UNC13B: variants seen among roughly 807,000 people sequenced by gnomAD.
UNC13B encodes the protein unc-13 homolog B, also known as protein unc-13 homolog B.
UNC13B carries 144 observed loss-of-function variants against 211.0 expected under a neutral mutation model. That is an observed-to-expected ratio of 0.68 (90% CI 0.60 to 0.78). UNC13B has a LOEUF of 0.78. UNC13B is among the 30% of genes least tolerant of loss of function. UNC13B has a pLI of 0.00. For missense variants in UNC13B, 1,777 were observed against 2,002.0 expected (o/e 0.89, Z 2.14); for synonymous variants, 709 against 725.8 (o/e 0.98, Z 0.37).
intron 11 of UNC13B, among the ~76,000 whole-genome samples, chr9:35,321,577 A>G (rs1238962039): frequency 6.6e-6 from 1 of 152,184 alleles, no homozygotes; most frequent in Admixed American, 6.5e-5. Context: ...ATCTGTTTTC[A>G]TTTCTGATTA....
intron 6 of UNC13B, among the ~76,000 whole-genome samples, chr9:35,249,241 A>T (rs78806642): frequency 6.6e-6 from 1 of 151,914 alleles, no homozygotes; most frequent in African/African-American, 2.4e-5. Context: ...TTTTGAGTCT[A>T]TGTGTGTCTC....
intron 1 of UNC13B, among the ~76,000 whole-genome samples, chr9:35,205,091 T>G (rs1162827750): frequency 6.6e-6 from 1 of 152,136 alleles, no homozygotes. Context: ...GAGATCTGGT[T>G]ATTTAAAAGT....
At chr9:35,391,408 G>A (rs1396812650) in intron 26 of UNC13B, among the ~76,000 whole-genome samples, 1 of 152,186 alleles carries the variant, frequency 6.6e-6, no homozygotes, top group Non-Finnish European at 1.5e-5. Context: ...CTAGGAGGAG[G>A]AGGAGCCATC....
At chr9:35,367,040 T>G in intron 12 of UNC13B, 47 bp downstream of exon 12, 1 of 1,560,942 alleles carries the variant, frequency 6.4e-7, no homozygotes, top group Non-Finnish European at 8.8e-7. Flanking sequence ...TCAGTATCTC[T>G]TGATGCTTTT....
intron 7 of UNC13B, among the ~76,000 whole-genome samples, chr9:35,259,660 C>T (rs529750787): frequency 1.3e-5 from 2 of 151,676 alleles, no homozygotes; most frequent in South Asian, 2.1e-4. Context: ...ATGAGCCATA[C>T]GTTTTTGGTA....
At chr9:35,185,780 TG>T (rs1279110068) in intron 1 of UNC13B, among the ~76,000 whole-genome samples, 1 of 144,698 alleles carries the variant, frequency 6.9e-6, no homozygotes, top group Non-Finnish European at 1.5e-5. Flanking sequence ...AAAAAAAAAA[TG>T]GTGGCACATG....
Position 35,219,011 on chromosome 9 carries a change from A to C in UNC13B, c.23-9004A>C, listed in dbSNP as rs954333697. On this transcript the variant is annotated intron_variant, in intron 1 of 39. Transcript: ENST00000635942. ...TGATCTGCCTGCCTCGGCCTCCCAA[A>C]GTGCTGGGATTACAGGCGTGAGCCA... 2.0e-5 allele frequency among the ~76,000 whole-genome samples: 3 copies of C among 152,192 alleles called. No homozygotes were observed. The South Asian group carries it at 6.2e-4, about 32-fold the overall frequency.
intron 7 of UNC13B, among the ~76,000 whole-genome samples, chr9:35,290,261 G>C: frequency 6.6e-6 from 1 of 152,046 alleles, no homozygotes. Flanking sequence ...ATAGGCTAGA[G>C]TGGTTTATTA....
intron 1 of UNC13B, among the ~76,000 whole-genome samples, chr9:35,182,661 A>T (rs1465162429): frequency 4.6e-5 from 7 of 151,874 alleles, no homozygotes; most frequent in African/African-American, 1.7e-4. Flanking sequence ...GAGATTAGGG[A>T]GTGGTGATGA....
At chr9:35,403,418 C>T in intron 38 of UNC13B, 22 bp from the exon 39 acceptor site, 1 of 1,612,358 alleles carries the variant, frequency 6.2e-7, no homozygotes, top group Non-Finnish European at 8.5e-7. Flanking sequence ...GGATCCCTCA[C>T]AGGTTTCCCT....
At chr9:35,401,964 A>C in intron 37 of UNC13B, 1 of 1,550,762 alleles carries the variant, frequency 6.4e-7, no homozygotes. Context: ...ATGATGGGAA[A>C]GGTATTAGAT....
In UNC13B at chr9:35,285,032, A is replaced by C. The variant is rs147677560; in HGVS notation, c.527-10664A>C. Among the ~76,000 whole-genome samples, 13 of 152,336 alleles carry C rather than the reference A, an allele frequency of 8.5e-5. No individual in the cohort carries two copies. The East Asian group carries it at 1.5e-3, about 18-fold the overall frequency. On this transcript the variant is annotated intron_variant, in intron 7 of 39. Transcript: ENST00000635942. ...AGAAACAAGATAAAATGTGCAGAAGAAGCAGCCTGTGAGTGTGTTGCTGTA... is the reference window on the plus strand; with the variant it reads ...AGAAACAAGATAAAATGTGCAGAAGCAGCAGCCTGTGAGTGTGTTGCTGTA...
intron 11 of UNC13B, among the ~76,000 whole-genome samples, chr9:35,347,252 C>A (rs2095738444): frequency 6.6e-6 from 1 of 152,138 alleles, no homozygotes; most frequent in African/African-American, 2.4e-5. Flanking sequence ...TTGTGATCAT[C>A]TATATATATC....
intron 6 of UNC13B, among the ~76,000 whole-genome samples, chr9:35,247,543 A>G (rs1826178945): frequency 6.6e-6 from 1 of 152,142 alleles, no homozygotes; most frequent in South Asian, 2.1e-4. Context: ...TACCTAATTT[A>G]TTGAGAGTTT....
chr9:35,313,666 A>AAATAAATC (rs1830303686), intron 10 of UNC13B, among the ~76,000 whole-genome samples: 1 of 141,436 alleles, frequency 7.1e-6, no homozygotes, highest in African/African-American at 2.8e-5. Flanking sequence ...ATAAATAAAT[A>AAATAAATC]AATAAATAAA....
At chr9:35,237,039 T>G (rs1220029740) in intron 4 of UNC13B, among the ~76,000 whole-genome samples, 1 of 152,192 alleles carries the variant, frequency 6.6e-6, no homozygotes, top group Non-Finnish European at 1.5e-5. Context: ...CATGTAAGCC[T>G]GACAGAGTTT....
intron 11 of UNC13B, among the ~76,000 whole-genome samples, chr9:35,356,161 C>A (rs1236060318): frequency 6.6e-6 from 1 of 152,150 alleles, no homozygotes; most frequent in Non-Finnish European, 1.5e-5. Context: ...CTCCAGCACT[C>A]CCTTGCATAG....
At chr9:35,353,468 C>T (rs929567753) in intron 11 of UNC13B, 2 of 1,232,068 alleles carry the variant, frequency 1.6e-6, no homozygotes, top group Admixed American at 8.4e-5. Flanking sequence ...CCCTGGGAGT[C>T]AGGGGAGTGA....
At chr9:35,226,428 G>A (rs1421387742) in intron 1 of UNC13B, among the ~76,000 whole-genome samples, 1 of 152,130 alleles carries the variant, frequency 6.6e-6, no homozygotes, top group Non-Finnish European at 1.5e-5. Context: ...ATCTATATAT[G>A]AGAGTTTATT....
Sources: gnomAD v4.1 joint callset for allele counts (sites outside exome capture counted in the v4.1 genomes callset) on GRCh38, gnomAD v4.1.1 for gene constraint, MANE v1.5 for transcripts, NCBI Gene and HGNC (gene_info 2026-07-23, HGNC 2026-07-21) for gene names.